The following FBXO32 variants were observed in gnomAD, a reference collection of about 807,000 sequenced individuals.
FBXO32 encodes the protein F-box protein 32.
In FBXO32, 15 loss-of-function variants were observed where a neutral mutation model predicts 48.3. That is an observed-to-expected ratio of 0.31 (90% CI 0.21 to 0.48). The LOEUF is 0.48. Ranked by LOEUF, FBXO32 falls within the 20% of genes least tolerant of loss-of-function variation. The pLI is 0.99. For missense variants in FBXO32, 309 were observed against 432.7 expected, an observed-to-expected ratio of 0.71 and a Z score of 2.54; for synonymous variants, 154 against 165.9, an observed-to-expected ratio of 0.93 and a Z score of 0.55.
chr8:123,530,872 C>T (rs2130552152), intron 4 of FBXO32, among the ~76,000 whole-genome samples: 1 of 151,756 alleles, frequency 6.6e-6, no homozygotes, highest in Admixed American at 6.6e-5. Context: ...TTGTCTTAGC[C>T]TCCCAAAGTG....
intron 1 of FBXO32, among the ~76,000 whole-genome samples, chr8:123,535,604 G>A (rs570585644): frequency 9.2e-5 from 14 of 152,272 alleles, no homozygotes; most frequent in East Asian, 7.7e-4. Context: ...GGCTCATCTC[G>A]GGCCAGACGC....
rs1159987423 is a variant in FBXO32, at chr8:123,499,642, A to G, written c.*3731T>C. ...CATAAACTCAGGTGTATATTTTATA[A>G]TAAACATTGTATTGAATGCTAAGAA... On this transcript the variant is annotated 3_prime_UTR_variant, in exon 9 of 9. Coordinates refer to ENST00000517956, the MANE Select transcript of FBXO32 (RefSeq NM_058229.4). 6.6e-6 allele frequency: 1 copy of G among 152,230 alleles called. No homozygotes were observed. Among genetic ancestry groups the G allele is most frequent in the Admixed American group, 6.5e-5 (1 of 15,286 alleles). 9.4% of individuals were successfully genotyped at this position (152,230 alleles called of 1,614,324 possible). A position where few individuals can be genotyped will look rare whatever the true frequency, so the allele number is the denominator to read the frequency against.
At chr8:123,516,265 C>G (rs1374061491) in intron 4 of FBXO32, among the ~76,000 whole-genome samples, 1 of 152,180 alleles carries the variant, frequency 6.6e-6, no homozygotes, top group Non-Finnish European at 1.5e-5. Context: ...ACCCACCAGG[C>G]CCCCAGAGAA....
rs1816811588 is a variant in FBXO32 at position 123,515,023 on chromosome 8, T to G, written c.373-690A>C. 2.6e-5 allele frequency among the ~76,000 whole-genome samples: 4 copies of G among 152,242 alleles called. No individual in the cohort carries two copies. The South Asian group carries it at 8.3e-4, about 32-fold the overall frequency. ...TTGATTTGAACATGTATTAGCTCCG[T>G]GATGATGGGCAAGTTACTATATTTC... is the stretch of plus-strand genomic sequence containing the variant. On this transcript the variant is annotated intron_variant, in intron 4 of 8. Transcript: ENST00000517956.
At chr8:123,514,704 C>G (rs1816803129) in intron 4 of FBXO32, among the ~76,000 whole-genome samples, 1 of 152,238 alleles carries the variant, frequency 6.6e-6, no homozygotes, top group South Asian at 2.1e-4. Context: ...GGGAATTCTT[C>G]TGCCCCCGCT....
chr8:123,518,939 A>G (rs1419584766), intron 4 of FBXO32, among the ~76,000 whole-genome samples: 1 of 152,106 alleles, frequency 6.6e-6, no homozygotes, highest in African/African-American at 2.4e-5. Flanking sequence ...TTCCCACCTC[A>G]GCCTCCCAAG....
In FBXO32 at chr8:123,525,533, T is replaced by G. The variant is rs1817056298; in HGVS notation, c.372+6365A>C. 6.6e-6 allele frequency among the ~76,000 whole-genome samples: 1 copy of G among 152,222 alleles called. No homozygotes were observed. Among genetic ancestry groups the G allele is most frequent in the Non-Finnish European group, 1.5e-5 (1 of 68,032 alleles). ...AACCTCTCCTGCGATATAGCCTGTG[T>G]GCATGTGTGCAAATATTTTAGTGGT... On this transcript the variant is annotated intron_variant, in intron 4 of 8. Coordinates refer to ENST00000517956, the MANE Select transcript of FBXO32 (RefSeq NM_058229.4). The surrounding 1 kb of genome is among the most constrained non-coding windows in gnomAD (Gnocchi z 4.3).
At chr8:123,530,266 G>T (rs1817172940) in intron 4 of FBXO32, among the ~76,000 whole-genome samples, 1 of 152,108 alleles carries the variant, frequency 6.6e-6, no homozygotes, top group African/African-American at 2.4e-5. Context: ...GCCTGCATCT[G>T]CCCAGATGAC....
chr8:123,511,442 G>C (rs28672734), intron 6 of FBXO32, among the ~76,000 whole-genome samples: 1 of 151,978 alleles, frequency 6.6e-6, no homozygotes, highest in African/African-American at 2.4e-5. Context: ...GGGAACAGAG[G>C]CAAGCTCCAG....
chr8:123,507,070 G>A (rs1348928606), intron 6 of FBXO32, among the ~76,000 whole-genome samples: 4 of 152,014 alleles, frequency 2.6e-5, no homozygotes, highest in African/African-American at 9.7e-5. Context: ...TTCTCTGCCC[G>A]GCCACGTGGT....
chr8:123,537,168 G>A (rs947295078), intron 1 of FBXO32, among the ~76,000 whole-genome samples: 5 of 151,838 alleles, frequency 3.3e-5, no homozygotes, highest in East Asian at 1.9e-4. Context: ...AAAATGCAAA[G>A]CCAATGGAAA....
chr8:123,502,269 CTG>C lies in FBXO32; in HGVS notation c.*1102_*1103del. Reference sequence around the variant, plus strand: ...ATGTTTAATTGGCTGATTGTAAAACCTGTCTTTCGAGCCTCAGCACTTGGGCC... The same window carrying C: ...ATGTTTAATTGGCTGATTGTAAAACCTCTTTCGAGCCTCAGCACTTGGGCC... On this transcript the variant is annotated 3_prime_UTR_variant, in exon 9 of 9. Transcript: ENST00000517956. 6.6e-6 allele frequency: 1 copy of C among 152,372 alleles called. No individual in the cohort carries two copies. Among genetic ancestry groups the C allele is most frequent in the South Asian group, 2.1e-4 (1 of 4,824 alleles). 9.4% of individuals were successfully genotyped at this position (152,372 alleles called of 1,614,324 possible).
chr8:123,515,165 G>C (rs1426817038), intron 4 of FBXO32, among the ~76,000 whole-genome samples: 3 of 152,228 alleles, frequency 2.0e-5, no homozygotes, highest in Non-Finnish European at 4.4e-5. Context: ...GTTGTTGTGA[G>C]TGATAATAGG....
At chr8:123,532,046 G>A in intron 3 of FBXO32, 56 bp from the exon 4 acceptor site, 1 of 1,607,068 alleles carries the variant, frequency 6.2e-7, no homozygotes. Flanking sequence ...GGTCACCCAA[G>A]TAAGAATGAG....
intron 6 of FBXO32, among the ~76,000 whole-genome samples, chr8:123,508,382 A>G (rs1052053912): frequency 1.3e-5 from 2 of 152,142 alleles, no homozygotes; most frequent in Admixed American, 6.5e-5. Flanking sequence ...AGGCTAAGCT[A>G]TGGAGAAGAA....
chr8:123,500,804 TTTC>T lies in FBXO32; in HGVS notation c.*2566_*2568del, dbSNP rs1816465943. On this transcript the variant is annotated 3_prime_UTR_variant, in exon 9 of 9. Coordinates refer to ENST00000517956, the MANE Select transcript of FBXO32 (RefSeq NM_058229.4). ...AATGAAAGAGAACCATAAAGGTTGA[TTTC>T]TTCTTCATTTTCCTTAAAAAATTTC... 2.0e-5 allele frequency: 3 copies of T among 152,222 alleles called. No individual in the cohort carries two copies. The highest frequency in any genetic ancestry group is 4.4e-5 in the Non-Finnish European group (3 of 68,056). The allele number at this position is 152,222 out of a possible 1,614,324, so 9.4% of individuals were successfully genotyped here.
rs1816459801 is a variant in FBXO32, at chr8:123,500,514, T to C, written c.*2859A>G. 6.6e-6 allele frequency: 1 copy of C among 152,230 alleles called. No homozygotes were observed. Among genetic ancestry groups the C allele is most frequent in the Non-Finnish European group, 1.5e-5 (1 of 68,038 alleles). 9.4% of individuals were successfully genotyped at this position (152,230 alleles called of 1,614,324 possible). A position where few individuals can be genotyped will look rare whatever the true frequency, so the allele number is the denominator to read the frequency against. ...ACAGGGATTATTTGCTTTTGTTTGA[T>C]AGGTCAGGTTGTCTGGGATGGTTTG... On this transcript the variant is annotated 3_prime_UTR_variant, in exon 9 of 9. Transcript: ENST00000517956.
chr8:123,505,511 G>A (rs961661065), intron 7 of FBXO32, among the ~76,000 whole-genome samples: 8 of 152,344 alleles, frequency 5.3e-5, no homozygotes, highest in South Asian at 2.1e-4. Flanking sequence ...CGAGGCAGGC[G>A]GATCACCTGA....
intron 6 of FBXO32, among the ~76,000 whole-genome samples, chr8:123,511,872 C>A (rs1032986283): frequency 6.6e-6 from 1 of 152,088 alleles, no homozygotes; most frequent in Non-Finnish European, 1.5e-5. Context: ...CTGGACAGTT[C>A]TCTCCTGGCC....
Sources: allele counts gnomAD v4.1 joint callset (sites outside exome capture counted in the v4.1 genomes callset), GRCh38; gene constraint gnomAD v4.1.1; non-coding constraint Gnocchi (gnomAD v3.1); transcripts MANE v1.5; gene names NCBI Gene and HGNC (gene_info 2026-07-23, HGNC 2026-07-21).